HDAC8: variants seen among roughly 807,000 people sequenced by gnomAD.
The protein encoded by HDAC8 is histone deacetylase 8.
HDAC8 carries 1 observed loss-of-function variant against 32.2 expected under a neutral mutation model. That is an observed-to-expected ratio of 0.03 (90% CI 0.01 to 0.15). The LOEUF is 0.15. Among genes scored for constraint, HDAC8 ranks in the 10% least tolerant of loss-of-function variants. The probability of loss-of-function intolerance (pLI) is 1.00; values close to 1 mark genes in which losing one functional copy is unlikely to be tolerated. For synonymous variants in HDAC8, 108 were observed against 113.9 expected (o/e 0.95, Z 0.33); for missense variants, 117 against 300.0 (o/e 0.39, Z 4.51).
intron 9 of HDAC8, among the ~76,000 whole-genome samples, chrX:72,454,933 CTTAG>C (rs1341951728): frequency 3.6e-4 from 41 of 112,667 alleles, no homozygotes; most frequent in African/African-American, 8.7e-4. Flanking sequence ...ATCATGAAGA[CTTAG>C]TTAGCATCTC....
chrX:72,386,435 C>A (rs1555961446), intron 9 of HDAC8, among the ~76,000 whole-genome samples: 1 of 110,031 alleles, frequency 9.1e-6, no homozygotes, highest in Non-Finnish European at 1.9e-5. Context: ...GGATATTCAA[C>A]TTATGTATGA....
chrX:72,564,937 G>A (rs2051723949), intron 4 of HDAC8, among the ~76,000 whole-genome samples: 1 of 111,954 alleles, frequency 8.9e-6, no homozygotes, highest in African/African-American at 3.2e-5. Context: ...TAAATTTCTT[G>A]CAGGTAGAAT....
intron 9 of HDAC8, among the ~76,000 whole-genome samples, chrX:72,423,828 C>T (rs2046559195): frequency 8.9e-6 from 1 of 111,885 alleles, no homozygotes; most frequent in Admixed American, 9.5e-5. Flanking sequence ...CCTCTGGAGC[C>T]CTCCAATCTG....
At chrX:72,566,871 C>A (rs868974403) in intron 4 of HDAC8, among the ~76,000 whole-genome samples, 1 of 112,063 alleles carries the variant, frequency 8.9e-6, no homozygotes, top group Non-Finnish European at 1.9e-5. Flanking sequence ...GGTGGCCAGG[C>A]GCGGTGGCTC....
At chrX:72,532,974 C>T (rs2050399071) in intron 4 of HDAC8, among the ~76,000 whole-genome samples, 2 of 111,755 alleles carry the variant, frequency 1.8e-5, no homozygotes, top group African/African-American at 6.5e-5. Context: ...AAATTGTCTT[C>T]AAAGAGTTTT....
chrX:72,475,756 T>C (rs933777145), intron 7 of HDAC8, among the ~76,000 whole-genome samples: 1 of 107,563 alleles, frequency 9.3e-6, no homozygotes, highest in Admixed American at 9.8e-5. Flanking sequence ...CATGAACTTC[T>C]AAAAACATGA....
chrX:72,339,259 GC>G (rs2043822643), intron 10 of HDAC8, among the ~76,000 whole-genome samples: 1 of 112,257 alleles, frequency 8.9e-6, no homozygotes, highest in Admixed American at 9.5e-5. Context: ...TCCATTTATT[GC>G]CTAAGCCTTT....
At chrX:72,341,181 G>A (rs2043879351) in intron 10 of HDAC8, among the ~76,000 whole-genome samples, 1 of 111,905 alleles carries the variant, frequency 8.9e-6, no homozygotes, top group Admixed American at 9.5e-5. Context: ...CTCCCCTCCT[G>A]TGATCTTCCC....
At chrX:72,522,923 C>T (rs183260168) in intron 4 of HDAC8, among the ~76,000 whole-genome samples, 3 of 112,152 alleles carry the variant, frequency 2.7e-5, no homozygotes, top group African/African-American at 9.7e-5. Context: ...GTCATGGACA[C>T]TTTCCACGTC....
intron 9 of HDAC8, among the ~76,000 whole-genome samples, chrX:72,387,071 G>C (rs1414555107): frequency 8.9e-6 from 1 of 112,200 alleles, no homozygotes; most frequent in African/African-American, 3.2e-5. Flanking sequence ...AAAAACAAAA[G>C]AAAACAAAAC....
chrX:72,360,164 G>C (rs1555952030), intron 9 of HDAC8, among the ~76,000 whole-genome samples: 1 of 109,848 alleles, frequency 9.1e-6, no homozygotes, highest in African/African-American at 3.3e-5. Context: ...AGACCAGCCT[G>C]CCCAAAGTGG....
At chrX:72,353,077 C>T (rs947235172) in intron 9 of HDAC8, among the ~76,000 whole-genome samples, 5 of 111,893 alleles carry the variant, frequency 4.5e-5, no homozygotes, top group African/African-American at 1.6e-4. Context: ...TCTTGATATA[C>T]GTCATGACTT....
chrX:72,490,668 G>T (rs1284706395), intron 6 of HDAC8, among the ~76,000 whole-genome samples: 1 of 105,591 alleles, frequency 9.5e-6, no homozygotes, highest in African/African-American at 3.4e-5. Flanking sequence ...ACGAGTTAAT[G>T]GGTGCAGCAC....
At chrX:72,500,143 T>A (rs1556015282) in intron 4 of HDAC8, among the ~76,000 whole-genome samples, 1 of 111,195 alleles carries the variant, frequency 9.0e-6, no homozygotes, top group Non-Finnish European at 1.9e-5. Flanking sequence ...ATAAATAGCT[T>A]TACCAACTAA....
At chrX:72,445,609 G>T (rs1399674019) in intron 9 of HDAC8, among the ~76,000 whole-genome samples, 2 of 111,971 alleles carry the variant, frequency 1.8e-5, no homozygotes, top group African/African-American at 6.5e-5. Flanking sequence ...TTACCATTCA[G>T]GACATAGGCA....
chrX:72,360,898 C>T (rs943976327), intron 9 of HDAC8, among the ~76,000 whole-genome samples: 31 of 111,954 alleles, frequency 2.8e-4, no homozygotes, highest in African/African-American at 1.0e-3. Flanking sequence ...CTTTACAACA[C>T]AGACAAACAA....
intron 7 of HDAC8, among the ~76,000 whole-genome samples, chrX:72,479,667 T>G (rs1324282216): frequency 8.9e-6 from 1 of 112,253 alleles, no homozygotes; most frequent in Non-Finnish European, 1.9e-5. Flanking sequence ...GAAGACTTGT[T>G]TACTCAGGGT....
At chrX:72,462,292 A>G (rs1288096146) in intron 8 of HDAC8, 194 bp from the exon 9 acceptor site, 1 of 382,844 alleles carries the variant, frequency 2.6e-6, no homozygotes, top group Middle Eastern at 7.4e-4. Flanking sequence ...CAAATCATGC[A>G]CAGTGTAAAA....
chrX:72,469,249 T>A (rs1190286397), intron 7 of HDAC8, among the ~76,000 whole-genome samples: 1 of 111,445 alleles, frequency 9.0e-6, no homozygotes, highest in East Asian at 2.8e-4. Context: ...AGTGGCATGA[T>A]CATGGTTCAC....
Sources: allele counts gnomAD v4.1 joint callset (sites outside exome capture counted in the v4.1 genomes callset), GRCh38; gene constraint gnomAD v4.1.1; transcripts MANE v1.5; gene names NCBI Gene and HGNC (gene_info 2026-07-23, HGNC 2026-07-21).